GPR21: variants seen among roughly 807,000 people sequenced by gnomAD.
GPR21 encodes G protein-coupled receptor 21, also known as probable G protein-coupled receptor 21.
A neutral mutation model predicts 21.5 loss-of-function variants in GPR21; 9 were observed. That is an observed-to-expected ratio of 0.42 (90% CI 0.25 to 0.73). The LOEUF (loss-of-function observed/expected upper bound fraction) is 0.73. Ranked by LOEUF, GPR21 falls within the 30% of genes least tolerant of loss-of-function variation. GPR21 has a pLI of 0.27. For synonymous variants in GPR21, 169 were observed against 159.3 expected (o/e 1.06, Z -0.46); for missense variants, 416 against 428.9 (o/e 0.97, Z 0.27).
the GPR21 span, among the ~76,000 whole-genome samples, chr9:123,041,362 G>T: frequency 6.6e-6 from 1 of 152,112 alleles, no homozygotes; most frequent in Non-Finnish European, 1.5e-5. Context: ...AACCTATCAG[G>T]TAGTTATTTT....
chr9:123,042,092 A>G, the GPR21 span, among the ~76,000 whole-genome samples: 1 of 152,218 alleles, frequency 6.6e-6, no homozygotes, highest in Admixed American at 6.5e-5. Flanking sequence ...CTTTGTTGCA[A>G]ACATGACTGC....
chr9:123,043,364 C>G, the GPR21 span, among the ~76,000 whole-genome samples: 3 of 151,890 alleles, frequency 2.0e-5, no homozygotes, highest in Non-Finnish European at 4.4e-5. Context: ...GGAGGTATGT[C>G]TCTAGGAAAA....
At chr9:123,035,769 T>C (rs2032621809), downstream of GPR21, 3 of 544,972 alleles carry the variant, frequency 5.5e-6, no homozygotes, top group Non-Finnish European at 9.5e-6. Flanking sequence ...ATTATTCGTA[T>C]GGATACCTTC....
the GPR21 span, among the ~76,000 whole-genome samples, chr9:123,046,691 A>C: frequency 1.3e-5 from 2 of 152,312 alleles, no homozygotes; most frequent in African/African-American, 4.8e-5. Context: ...CTGTCTTGTG[A>C]ATAGGGTAGT....
the GPR21 span, among the ~76,000 whole-genome samples, chr9:123,047,385 T>C: frequency 6.6e-6 from 1 of 152,204 alleles, no homozygotes; most frequent in South Asian, 2.1e-4. Context: ...TAGTAACTTT[T>C]AAAGTAGCTG....
the GPR21 span, among the ~76,000 whole-genome samples, chr9:123,045,860 A>G: frequency 6.6e-6 from 1 of 152,250 alleles, no homozygotes; most frequent in Non-Finnish European, 1.5e-5. Context: ...AAAATTAGGT[A>G]CTATCACATC....
the GPR21 span, among the ~76,000 whole-genome samples, chr9:123,048,199 A>G: frequency 6.6e-6 from 1 of 152,082 alleles, no homozygotes; most frequent in Non-Finnish European, 1.5e-5. Flanking sequence ...TTGGCCTCCC[A>G]AAGTGTTAGG....
At chr9:123,036,545 C>G (rs2032672930), downstream of GPR21, among the ~76,000 whole-genome samples, 1 of 152,072 alleles carries the variant, frequency 6.6e-6, no homozygotes, top group Admixed American at 6.6e-5. Context: ...TCAAAGACTT[C>G]TGAAATATTA....
At chr9:123,045,972 C>A in the GPR21 span, among the ~76,000 whole-genome samples, 1 of 152,150 alleles carries the variant, frequency 6.6e-6, no homozygotes, top group Non-Finnish European at 1.5e-5. Context: ...CCAATGACTT[C>A]CAGGTCCTGC....
Position 123,034,371 on chromosome 9 carries a change from A to C in GPR21, c.-196A>C. 3.5e-6 allele frequency: 2 copies of C among 576,222 alleles called. No homozygotes were observed. The highest frequency in any genetic ancestry group is 2.4e-5 in the South Asian group (1 of 41,442). 35.7% of individuals were successfully genotyped at this position (576,222 alleles called of 1,614,324 possible). A position where few individuals can be genotyped will look rare whatever the true frequency, so the allele number is the denominator to read the frequency against. ...CAGACAACTGCTGCTGGCTCTCCTTATTCCAGGAAGGATTTAAAGGGGAAT... is the reference window on the plus strand; with the variant it reads ...CAGACAACTGCTGCTGGCTCTCCTTCTTCCAGGAAGGATTTAAAGGGGAAT... On this transcript the variant is annotated 5_prime_UTR_variant, in exon 2 of 2. Coordinates refer to ENST00000616002, the MANE Select transcript of GPR21 (RefSeq NM_005294.3).
Position 123,034,999 on chromosome 9 carries a change from A to T in GPR21, c.433A>T (p.Arg145Ter), listed in dbSNP as rs756255366. The change falls in exon 2 of 2, where the codon AGA becomes TGA. Residue 145 changes from arginine (R) to a stop codon, truncating the protein, a stop_gained. Coordinates refer to ENST00000616002, the MANE Select transcript of GPR21 (RefSeq NM_005294.3). LOFTEE classifies it high-confidence loss of function. ...CTATAATACTCTGGTTACACCCTGG[A>T]GACTACGCCTGTGTATTTTCCTGAT... ...LTYNTLVTPW[R>*]LRLCIFLIWL... 4 of 1,613,752 alleles carry T rather than the reference A, an allele frequency of 2.5e-6. No homozygotes were observed. The South Asian group carries it at 4.4e-5, about 18-fold the overall frequency.
the GPR21 span, among the ~76,000 whole-genome samples, chr9:123,048,182 G>A: frequency 1.3e-5 from 2 of 151,990 alleles, no homozygotes; most frequent in East Asian, 3.9e-4. Context: ...CAGGTGATCC[G>A]TCCATCTTGG....
downstream of GPR21, among the ~76,000 whole-genome samples, chr9:123,038,908 CT>C (rs1199267738): frequency 6.6e-6 from 1 of 151,976 alleles, no homozygotes; most frequent in Non-Finnish European, 1.5e-5. Flanking sequence ...AAAATGTAGG[CT>C]TCTGTTTCTA....
the GPR21 span, among the ~76,000 whole-genome samples, chr9:123,047,919 G>GTT: frequency 6.6e-3 from 410 of 62,284 alleles, 151 homozygotes; most frequent in Non-Finnish European, 0.011. Context: ...CAGCTGCTGG[G>GTT]TTTTTTTTTT....
the GPR21 span, among the ~76,000 whole-genome samples, chr9:123,044,366 A>G: frequency 6.6e-6 from 1 of 152,188 alleles, no homozygotes. Context: ...TTACAAAGCC[A>G]TTTCCTATTA....
downstream of GPR21, among the ~76,000 whole-genome samples, chr9:123,036,463 G>A (rs911520220): frequency 1.3e-5 from 2 of 152,142 alleles, no homozygotes; most frequent in East Asian, 3.8e-4. Flanking sequence ...TCAGTGATAG[G>A]CTGTTGGCTG....
chr9:123,045,670 A>G, the GPR21 span, among the ~76,000 whole-genome samples: 2 of 152,188 alleles, frequency 1.3e-5, no homozygotes, highest in East Asian at 3.9e-4. Context: ...GATCAGTTGC[A>G]TATTATGTTA....
At chr9:123,045,504 A>G in the GPR21 span, among the ~76,000 whole-genome samples, 1 of 152,178 alleles carries the variant, frequency 6.6e-6, no homozygotes, top group Non-Finnish European at 1.5e-5. Flanking sequence ...AATACTGAGG[A>G]TGTGTATTGT....
downstream of GPR21, among the ~76,000 whole-genome samples, chr9:123,036,338 G>T (rs546350750): frequency 6.6e-6 from 1 of 152,282 alleles, no homozygotes; most frequent in South Asian, 2.1e-4. Flanking sequence ...ATATGTGTGC[G>T]TAGAAGTAAT....
Sources: gnomAD v4.1 joint callset for allele counts (sites outside exome capture counted in the v4.1 genomes callset) on GRCh38, gnomAD v4.1.1 for gene constraint, MANE v1.5 for transcripts, NCBI Gene and HGNC (gene_info 2026-07-23, HGNC 2026-07-21) for gene names.